The following AFG1L variants were observed in gnomAD, a reference collection of about 807,000 sequenced individuals.
The protein encoded by AFG1L is AFG1-like ATPase.
In AFG1L, 53 loss-of-function variants were observed where a neutral mutation model predicts 62.2. That is an observed-to-expected ratio of 0.85 (90% CI 0.68 to 1.07). The LOEUF (loss-of-function observed/expected upper bound fraction) is 1.07, where lower values mean the gene tolerates loss of function less well. AFG1L is among the 50% of genes least tolerant of loss of function. The pLI, the probability that AFG1L is intolerant of heterozygous loss-of-function variation, is 0.00. For missense variants in AFG1L, 555 were observed against 590.5 expected (o/e 0.94, Z 0.62); for synonymous variants, 228 against 210.3 (o/e 1.08, Z -0.73).
chr6:108,409,816 T>C (rs1782023099), intron 7 of AFG1L, among the ~76,000 whole-genome samples: 1 of 151,862 alleles, frequency 6.6e-6, no homozygotes, highest in Non-Finnish European at 1.5e-5. Context: ...TAATCAGACA[T>C]GAAAACTACT....
intron 6 of AFG1L, among the ~76,000 whole-genome samples, chr6:108,394,208 C>T (rs1183911556): frequency 6.8e-6 from 1 of 147,520 alleles, no homozygotes; most frequent in Admixed American, 7.0e-5. Flanking sequence ...AGGGCAATGG[C>T]GCAGTCTTGG....
chr6:108,416,705 A>G (rs1770309217), intron 7 of AFG1L, among the ~76,000 whole-genome samples: 1 of 152,126 alleles, frequency 6.6e-6, no homozygotes, highest in Non-Finnish European at 1.5e-5. Context: ...GTTCTCACTC[A>G]TAGGTGGGAA....
At chr6:108,478,785 C>T (rs908983265) in intron 10 of AFG1L, among the ~76,000 whole-genome samples, 1 of 152,082 alleles carries the variant, frequency 6.6e-6, no homozygotes, top group Non-Finnish European at 1.5e-5. Flanking sequence ...TCTTTTGGAG[C>T]AGACACTGAG....
At chr6:108,498,122 T>C (rs1774040576) in intron 10 of AFG1L, among the ~76,000 whole-genome samples, 1 of 152,234 alleles carries the variant, frequency 6.6e-6, no homozygotes, top group East Asian at 1.9e-4. Context: ...CTAGCCGAGG[T>C]ATTGCAAAAG....
intron 2 of AFG1L, among the ~76,000 whole-genome samples, chr6:108,345,450 C>G (rs1312430381): frequency 1.3e-5 from 2 of 152,038 alleles, no homozygotes; most frequent in Non-Finnish European, 2.9e-5. Flanking sequence ...GTCTCCACCT[C>G]CCGGGCTCAA....
intron 7 of AFG1L, among the ~76,000 whole-genome samples, chr6:108,413,368 A>G (rs1436169583): frequency 6.6e-6 from 1 of 152,198 alleles, no homozygotes; most frequent in Non-Finnish European, 1.5e-5. Context: ...CAAGACAGAA[A>G]GTTAGCAAGG....
intron 10 of AFG1L, among the ~76,000 whole-genome samples, chr6:108,500,411 T>A (rs759959556): frequency 4.6e-5 from 7 of 152,202 alleles, no homozygotes; most frequent in African/African-American, 1.7e-4. Flanking sequence ...CCAAATCATC[T>A]TATATAACCC....
chr6:108,309,862 A>G (rs948087120), intron 1 of AFG1L, among the ~76,000 whole-genome samples: 4 of 152,230 alleles, frequency 2.6e-5, no homozygotes, highest in African/African-American at 7.2e-5. Context: ...CTTGATGTCA[A>G]CATCTCTCAG....
chr6:108,364,658 A>G (rs1278588371), intron 5 of AFG1L, among the ~76,000 whole-genome samples: 1 of 152,204 alleles, frequency 6.6e-6, no homozygotes, highest in African/African-American at 2.4e-5. Flanking sequence ...CTGTCCTCTC[A>G]TCAGAAATGC....
intron 7 of AFG1L, 56 bp downstream of exon 7, chr6:108,402,110 G>A (rs1781647554): frequency 3.6e-6 from 3 of 824,630 alleles, no homozygotes; most frequent in Non-Finnish European, 5.6e-6. Flanking sequence ...GATAATCAAG[G>A]GCTTTAGTAG....
intron 6 of AFG1L, among the ~76,000 whole-genome samples, chr6:108,400,587 T>TA (rs1781525694): frequency 7.3e-6 from 1 of 136,188 alleles, no homozygotes; most frequent in Non-Finnish European, 1.5e-5. Context: ...ATTATTATAA[T>TA]ATATAATTTA....
intron 8 of AFG1L, 37 bp downstream of exon 8, chr6:108,447,333 C>A: frequency 8.6e-7 from 1 of 1,165,888 alleles, no homozygotes; most frequent in South Asian, 1.3e-5. Context: ...AATGTCTAAT[C>A]GTTAATCAGA....
chr6:108,476,901 GTTGT>G lies in AFG1L; in HGVS notation c.931_934del (p.Phe311MetfsTer10). The G allele has an allele frequency of 6.2e-7, 1 of 1,613,996 alleles. No homozygotes were observed. Among genetic ancestry groups the G allele is most frequent in the South Asian group, 1.1e-5 (1 of 91,076 alleles). On this transcript the variant is annotated frameshift_variant, in exon 9 of 13. Transcript: ENST00000368977. LOFTEE classifies it high-confidence loss of function. ...CTGATGTGGAGGCTGTCATGGATAA[GTTGT>G]TTGATGAGCTGGCTCAGAAACAAAA... is the stretch of plus-strand genomic sequence containing the variant.
intron 10 of AFG1L, among the ~76,000 whole-genome samples, chr6:108,505,711 G>A (rs1774392504): frequency 6.6e-6 from 1 of 152,124 alleles, no homozygotes; most frequent in Non-Finnish European, 1.5e-5. Context: ...AAAAATTAAG[G>A]GCTCAAGGGA....
chr6:108,402,636 C>G (rs1362721401), intron 7 of AFG1L, among the ~76,000 whole-genome samples: 2 of 152,008 alleles, frequency 1.3e-5, no homozygotes, highest in Non-Finnish European at 2.9e-5. Context: ...TATTCTCTAA[C>G]TGAAACATTG....
intron 6 of AFG1L, among the ~76,000 whole-genome samples, chr6:108,381,378 C>A (rs79537625): frequency 0.031 from 4,635 of 150,368 alleles, 213 homozygotes; most frequent in African/African-American, 0.11. Context: ...TCAGAAGAGA[C>A]CTGGATTATG....
Position 108,514,114 on chromosome 6 carries a change from C to T in AFG1L, c.1203+3762C>T, listed in dbSNP as rs1207993404. 3.3e-5 allele frequency among the ~76,000 whole-genome samples: 5 copies of T among 152,176 alleles called. No individual in the cohort carries two copies. The East Asian group carries it at 5.8e-4, about 18-fold the overall frequency. On this transcript the variant is annotated intron_variant, in intron 11 of 12. Transcript: ENST00000368977. Reference sequence around the variant, plus strand: ...CATCCACACCAAAACCCCATCTGTACGTCACCATCATCAAAGACCAAAGGC... The same window carrying T: ...CATCCACACCAAAACCCCATCTGTATGTCACCATCATCAAAGACCAAAGGC...
chr6:108,489,802 A>G (rs1773707660), intron 10 of AFG1L, among the ~76,000 whole-genome samples: 5 of 152,202 alleles, frequency 3.3e-5, no homozygotes, highest in Admixed American at 3.3e-4. Context: ...CGGGGCTTAC[A>G]AACAGTTGGA....
intron 1 of AFG1L, among the ~76,000 whole-genome samples, chr6:108,301,581 G>A (rs1265828514): frequency 6.6e-6 from 1 of 152,202 alleles, no homozygotes; most frequent in Admixed American, 6.5e-5. Context: ...CTGACAAAAG[G>A]TGATATCTAG....
Sources: gnomAD v4.1 joint callset for allele counts (sites outside exome capture counted in the v4.1 genomes callset) on GRCh38, gnomAD v4.1.1 for gene constraint, MANE v1.5 for transcripts, NCBI Gene and HGNC (gene_info 2026-07-23, HGNC 2026-07-21) for gene names.